Variants in NRDE2 observed in about 807,000 individuals in gnomAD.
NRDE2 encodes the protein NRDE-2, necessary for RNA interference, domain containing.
A neutral mutation model predicts 124.2 loss-of-function variants in NRDE2; 76 were observed. The ratio of observed to expected loss-of-function variants is 0.61; its 90% CI spans 0.51 to 0.74. The LOEUF is 0.74. NRDE2 is among the 30% of genes least tolerant of loss of function. The pLI, the probability that NRDE2 is intolerant of heterozygous loss-of-function variation, is 0.00. For missense variants in NRDE2, 1,314 were observed against 1,417.3 expected (o/e 0.93, Z 1.17); for synonymous variants, 489 against 528.1 (o/e 0.93, Z 1.01).
At chr14:90,286,215 A>G (rs1566683707) in intron 12 of NRDE2, 139 bp downstream of exon 12, 3 of 947,710 alleles carry the variant, frequency 3.2e-6, no homozygotes. Flanking sequence ...AGATTCACCA[A>G]TGCCAAGAAG....
In NRDE2 at chr14:90,318,112, C is replaced by T. The variant is rs970189523; in HGVS notation, c.66G>A (p.Glu22=). The change falls in exon 2 of 14, where the codon GAG becomes GAA. Residue 22 remains glutamate (E), a splice_region_variant and synonymous_variant. Transcript: ENST00000354366. The part of the protein sequence containing the change: ...EAPDGGSSRK[E]LDWLSNPSFC... The stretch of plus-strand genomic sequence containing the variant: ...AGCTTGGGTTGCTCAGCCAGTCTAA[C>T]TCTGCACAGGCAAAAGGAGAAAAGA... 6 of 1,610,794 alleles carry T rather than the reference C, an allele frequency of 3.7e-6. No homozygotes were observed. The African/African-American group carries it at 8.0e-5, about 22-fold the overall frequency.
At chr14:90,320,328 C>T (rs1885197429) in intron 1 of NRDE2, among the ~76,000 whole-genome samples, 1 of 152,140 alleles carries the variant, frequency 6.6e-6, no homozygotes, top group Non-Finnish European at 1.5e-5. Flanking sequence ...GATGTGGTGG[C>T]AACAGAGGAA....
chr14:90,308,013 G>A (rs1884680116), intron 4 of NRDE2, among the ~76,000 whole-genome samples: 1 of 152,134 alleles, frequency 6.6e-6, no homozygotes, highest in Non-Finnish European at 1.5e-5. Flanking sequence ...CTCCCAAAGT[G>A]CTGGGACTAC....
chr14:90,309,434 C>T (rs4581637), intron 4 of NRDE2, among the ~76,000 whole-genome samples: 1 of 142,112 alleles, frequency 7.0e-6, no homozygotes, highest in Non-Finnish European at 1.5e-5. Context: ...GATAGCATCA[C>T]TGCACTCCAA....
In NRDE2 at chr14:90,270,146, C is replaced by T; in HGVS notation, c.*8190G>A. Reference sequence around the variant, plus strand: ...ATGGGCTGAGGCCTCTGAGCCATGGCCGAGCCTGGGTTTGGATGTTGGTGT... The same window carrying T: ...ATGGGCTGAGGCCTCTGAGCCATGGTCGAGCCTGGGTTTGGATGTTGGTGT... On this transcript the variant is annotated 3_prime_UTR_variant, in exon 14 of 14. Coordinates refer to ENST00000354366, the MANE Select transcript of NRDE2 (RefSeq NM_017970.4). The T allele has an allele frequency of 9.4e-6, 15 of 1,592,490 alleles. No individual in the cohort carries two copies. Among genetic ancestry groups the T allele is most frequent in the Middle Eastern group, 1.7e-4 (1 of 5,968 alleles).
chr14:90,287,633 T>G (rs763619654), intron 11 of NRDE2, among the ~76,000 whole-genome samples: 2 of 151,414 alleles, frequency 1.3e-5, no homozygotes, highest in African/African-American at 2.4e-5. Context: ...AAAATAAAAA[T>G]AAAAAAAGAA....
intron 4 of NRDE2, among the ~76,000 whole-genome samples, chr14:90,309,980 CTT>C (rs1012931719): frequency 2.4e-4 from 37 of 152,222 alleles, no homozygotes; most frequent in African/African-American, 7.7e-4. Context: ...AAGAGCCACT[CTT>C]TGTTAGTACA....
chr14:90,327,163 G>GA (rs1370573564), intron 1 of NRDE2, among the ~76,000 whole-genome samples: 2 of 152,132 alleles, frequency 1.3e-5, no homozygotes, highest in African/African-American at 2.4e-5. Context: ...GGATTCCCTG[G>GA]AGAAATGGCC....
Position 90,312,507 on chromosome 14 carries a change from G to C in NRDE2, c.444C>G (p.Arg148=). 6.2e-7 allele frequency: 1 copy of C among 1,614,134 alleles called. No individual in the cohort carries two copies. Among genetic ancestry groups the C allele is most frequent in the South Asian group, 1.1e-5 (1 of 91,080 alleles). Residue 148 remains arginine, a synonymous_variant, in exon 4 of 14, where the codon CGC becomes CGG. Coordinates refer to ENST00000354366, the MANE Select transcript of NRDE2 (RefSeq NM_017970.4). ...CCTGAATGTCCTCAAGCCAAACAAA[G>C]CGATGTCCAGTATCAGCTGCAGCAT... ...GNNAAADTGH[R]FVWLEDIQAV...
chr14:90,302,303 A>T (rs1293679798), intron 6 of NRDE2, among the ~76,000 whole-genome samples: 1 of 152,182 alleles, frequency 6.6e-6, no homozygotes, highest in Non-Finnish European at 1.5e-5. Context: ...ACACACCAAA[A>T]ATGTTAACAG....
chr14:90,302,568 CAA>C, intron 6 of NRDE2, 150 bp downstream of exon 6: 1 of 876,294 alleles, frequency 1.1e-6, no homozygotes, highest in Non-Finnish European at 1.7e-6. Context: ...AATTTGTTAT[CAA>C]AAAGAGTCGT....
At chr14:90,329,930 G>T (rs1461705446) in intron 1 of NRDE2, among the ~76,000 whole-genome samples, 5 of 151,424 alleles carry the variant, frequency 3.3e-5, no homozygotes, top group Admixed American at 3.3e-4. Flanking sequence ...TCCTGGGCTG[G>T]GTGTGGTGGC....
In NRDE2 at chr14:90,302,830, A is replaced by G. The variant is rs1268541169; in HGVS notation, c.1301T>C (p.Ile434Thr). 5 of 1,614,204 alleles carry G rather than the reference A, an allele frequency of 3.1e-6. No individual in the cohort carries two copies. The highest frequency in any genetic ancestry group is 4.2e-6 in the Non-Finnish European group (5 of 1,180,048). ...TCCATAAAGACTGTGAATTTTTGAT[A>G]TCGAAAAGGTACTAAACTGGCTCTG... The part of the protein sequence containing the change: ...FCQSQFSTFS[I>T]SKIHSLYGKC... The change falls in exon 6 of 14, where the codon ATA becomes ACA. Residue 434 changes from isoleucine to threonine, a missense_variant. Transcript: ENST00000354366.
Position 90,278,002 on chromosome 14 carries a change from T to G in NRDE2, c.*334A>C, listed in dbSNP as rs527546144. On this transcript the variant is annotated 3_prime_UTR_variant, in exon 14 of 14. Coordinates refer to ENST00000354366, the MANE Select transcript of NRDE2 (RefSeq NM_017970.4). The stretch of plus-strand genomic sequence containing the variant: ...ACCAGCGGAGGGAACACATTCACCG[T>G]GCGGGGGCCAGTGCTGGCTGCGCAC... The G allele has an allele frequency of 4.8e-6, 1 of 206,618 alleles. No individual in the cohort carries two copies. The highest frequency in any genetic ancestry group is 5.1e-5 in the Admixed American group (1 of 19,648). 12.8% of individuals were successfully genotyped at this position (206,618 alleles called of 1,614,324 possible). A position where few individuals can be genotyped will look rare whatever the true frequency, so the allele number is the denominator to read the frequency against.
In NRDE2 at chr14:90,277,458, G is replaced by C. The variant is rs542366059; in HGVS notation, c.*878C>G. The C allele has an allele frequency of 1.3e-5, 2 of 152,366 alleles. No individual in the cohort carries two copies. Among genetic ancestry groups the C allele is most frequent in the Admixed American group, 6.5e-5 (1 of 15,296 alleles). 9.4% of individuals were successfully genotyped at this position (152,366 alleles called of 1,614,324 possible). A position where few individuals can be genotyped will look rare whatever the true frequency, so the allele number is the denominator to read the frequency against. On this transcript the variant is annotated 3_prime_UTR_variant, in exon 14 of 14. Transcript: ENST00000354366. ...TCACTCAGCACTAAAAATCTCTTCG[G>C]AGGCAGAACAAGTCTGAAAAATGGA...
In NRDE2 at chr14:90,289,192, G is replaced by T. The variant is rs373971944; in HGVS notation, c.2230-47C>A. The T allele has an allele frequency of 2.7e-6, 4 of 1,468,860 alleles. No homozygotes were observed. In the Admixed American group the frequency reaches 8.1e-5, roughly 30 times the overall value. The allele number at this position is 1,468,860 out of a possible 1,614,324, so 91.0% of individuals were successfully genotyped here. ...TGACTGCAGGTGCTCTGTAATTAAG[G>T]CGTCCTCTGCTGCCAACTGTAGAAA... On this transcript the variant is annotated intron_variant, in intron 10 of 13. Coordinates refer to ENST00000354366, the MANE Select transcript of NRDE2 (RefSeq NM_017970.4).
rs749996103 is a variant in NRDE2 at position 90,323,299 on chromosome 14, CTTTAA to C, written c.65-5191_65-5187del. 1.4e-4 allele frequency among the ~76,000 whole-genome samples: 21 copies of C among 152,254 alleles called. No homozygotes were observed. In the South Asian group the frequency reaches 2.3e-3, roughly 17 times the overall value. On this transcript the variant is annotated intron_variant, in intron 1 of 13. Coordinates refer to ENST00000354366, the MANE Select transcript of NRDE2 (RefSeq NM_017970.4). ...TATTTCTCTACCACTAGTAAAAATG[CTTTAA>C]TTTAATTCTATTACACATAGAGGGA...
Position 90,275,969 on chromosome 14 carries a change from G to A in NRDE2, c.*2367C>T, listed in dbSNP as rs968625448. ...GGCCTCCTGCAGGCCCAGCAATCCT[G>A]TGCCAGAGGCATTGCCACTGCTTCA... On this transcript the variant is annotated 3_prime_UTR_variant, in exon 14 of 14. Coordinates refer to ENST00000354366, the MANE Select transcript of NRDE2 (RefSeq NM_017970.4). 6.6e-6 allele frequency: 1 copy of A among 152,390 alleles called. No homozygotes were observed. Among genetic ancestry groups the A allele is most frequent in the Non-Finnish European group, 1.5e-5 (1 of 68,186 alleles). 9.4% of individuals were successfully genotyped at this position (152,390 alleles called of 1,614,324 possible).
chr14:90,308,258 A>T (rs1884690241), intron 4 of NRDE2, among the ~76,000 whole-genome samples: 1 of 152,154 alleles, frequency 6.6e-6, no homozygotes, highest in African/African-American at 2.4e-5. Flanking sequence ...GTCTTAAGGA[A>T]TTTTCCAAAT....
Sources: gnomAD v4.1 joint callset for allele counts (sites outside exome capture counted in the v4.1 genomes callset) on GRCh38, gnomAD v4.1.1 for gene constraint, MANE v1.5 for transcripts, NCBI Gene and HGNC (gene_info 2026-07-23, HGNC 2026-07-21) for gene names.